HS6ST2: variants seen among roughly 807,000 people sequenced by gnomAD.
HS6ST2 encodes the protein heparan-sulfate 6-O-sulfotransferase 2.
Under a neutral mutation model 33.0 loss-of-function variants are expected in HS6ST2, and 17 were observed. That is an observed-to-expected ratio of 0.52 (90% confidence interval 0.35 to 0.77). The LOEUF (loss-of-function observed/expected upper bound fraction) is 0.77. Ranked by LOEUF, HS6ST2 falls within the 30% of genes least tolerant of loss-of-function variation. The pLI, the probability that HS6ST2 is intolerant of heterozygous loss-of-function variation, is 0.01. For missense variants in HS6ST2, 519 were observed against 551.7 expected (o/e 0.94, Z 0.59); for synonymous variants, 248 against 237.1 (o/e 1.05, Z -0.42).
intron 2 of HS6ST2, among the ~76,000 whole-genome samples, chrX:132,895,274 A>G (rs184327608): frequency 6.0e-4 from 67 of 111,712 alleles, no homozygotes; most frequent in Admixed American, 4.8e-4. Flanking sequence ...TTCTTATTTT[A>G]TTAAATACAA....
chrX:132,669,051 G>C (rs1041061646), intron 4 of HS6ST2, 62 bp downstream of exon 4: 1 of 715,104 alleles, frequency 1.4e-6, no homozygotes, highest in African/African-American at 2.1e-5. Context: ...AATGACAAAA[G>C]GAGGACAGCA....
intron 3 of HS6ST2, among the ~76,000 whole-genome samples, chrX:132,702,412 C>A (rs959347854): frequency 8.9e-6 from 1 of 112,076 alleles, no homozygotes. Context: ...CAGGGAAGAG[C>A]GTGAACATGC....
At chrX:132,675,899 CCT>C (rs1393399968) in intron 3 of HS6ST2, among the ~76,000 whole-genome samples, 1 of 110,764 alleles carries the variant, frequency 9.0e-6, no homozygotes, top group Non-Finnish European at 1.9e-5. Flanking sequence ...CCTCAGCTAC[CCT>C]CTCTTAGCAT....
intron 2 of HS6ST2, among the ~76,000 whole-genome samples, chrX:132,921,015 T>C (rs771759048): frequency 2.7e-5 from 3 of 112,656 alleles, no homozygotes; most frequent in South Asian, 3.7e-4. Flanking sequence ...GGCTGCAGTA[T>C]AGACAGTGGA....
At chrX:132,835,963 G>A (rs1255120097) in intron 2 of HS6ST2, among the ~76,000 whole-genome samples, 1 of 111,599 alleles carries the variant, frequency 9.0e-6, no homozygotes, top group Non-Finnish European at 1.9e-5. Flanking sequence ...TTCCTGTTTC[G>A]ATGCCTCACA....
intron 2 of HS6ST2, among the ~76,000 whole-genome samples, chrX:132,717,829 G>A (rs975805720): frequency 2.7e-5 from 3 of 111,907 alleles, no homozygotes; most frequent in Admixed American, 9.5e-5. Flanking sequence ...GCAGACAACT[G>A]TCTACATGAA....
intron 2 of HS6ST2, among the ~76,000 whole-genome samples, chrX:132,881,371 TGGCCAG>T (rs1399353892): frequency 8.9e-6 from 1 of 112,031 alleles, no homozygotes; most frequent in Non-Finnish European, 1.9e-5. Context: ...ATTTCTCTGA[TGGCCAG>T]TGATGATGAG....
chrX:132,938,945 C>T (rs969516139), intron 2 of HS6ST2, among the ~76,000 whole-genome samples: 11 of 111,999 alleles, frequency 9.8e-5, no homozygotes, highest in African/African-American at 3.6e-4. Context: ...GTACAGCTAG[C>T]ATAGTGTTGG....
chrX:132,644,929 G>C (rs1034259895), intron 4 of HS6ST2, among the ~76,000 whole-genome samples: 6 of 111,386 alleles, frequency 5.4e-5, no homozygotes, highest in Admixed American at 4.8e-4. Context: ...CAACTTGTAA[G>C]GGTAAAGGAG....
intron 2 of HS6ST2, among the ~76,000 whole-genome samples, chrX:132,766,830 T>C (rs1406969589): frequency 8.9e-6 from 1 of 112,242 alleles, no homozygotes; most frequent in Non-Finnish European, 1.9e-5. Context: ...TTCCAGTGAA[T>C]GGTTGAGGTA....
intron 2 of HS6ST2, among the ~76,000 whole-genome samples, chrX:132,752,992 G>A (rs1453126907): frequency 8.9e-6 from 1 of 112,477 alleles, no homozygotes; most frequent in African/African-American, 3.2e-5. Context: ...AGGGGCCAAT[G>A]CTCTTTGCGA....
chrX:132,892,781 T>C (rs1569501789), intron 2 of HS6ST2, among the ~76,000 whole-genome samples: 1 of 111,729 alleles, frequency 9.0e-6, no homozygotes, highest in African/African-American at 3.3e-5. Context: ...ATTGTGCCAC[T>C]GCACTCCAGC....
intron 4 of HS6ST2, among the ~76,000 whole-genome samples, chrX:132,641,292 C>T (rs1050211802): frequency 1.8e-5 from 2 of 111,836 alleles, no homozygotes; most frequent in Non-Finnish European, 3.8e-5. Context: ...TACAGGCATG[C>T]ACCACAATGC....
intron 2 of HS6ST2, among the ~76,000 whole-genome samples, chrX:132,789,385 T>C (rs772364355): frequency 9.0e-6 from 1 of 110,722 alleles, no homozygotes; most frequent in Non-Finnish European, 1.9e-5. Flanking sequence ...AACCCACCAT[T>C]GAGACCTACT....
At chrX:132,802,679 G>T (rs1446893573) in intron 2 of HS6ST2, among the ~76,000 whole-genome samples, 1 of 110,325 alleles carries the variant, frequency 9.1e-6, no homozygotes, top group African/African-American at 3.3e-5. Context: ...CAGGGCACCA[G>T]GAATGCACCT....
chrX:132,801,863 C>T (rs747222547), intron 2 of HS6ST2, among the ~76,000 whole-genome samples: 23 of 111,739 alleles, frequency 2.1e-4, no homozygotes, highest in Admixed American at 3.8e-4. Flanking sequence ...AAATTCATAC[C>T]GAAGGGATCC....
At chrX:132,867,963 T>C (rs781361669) in intron 2 of HS6ST2, among the ~76,000 whole-genome samples, 22 of 112,042 alleles carry the variant, frequency 2.0e-4, no homozygotes, top group Admixed American at 8.5e-4. Flanking sequence ...ATGGGCTAAA[T>C]GCCCTAATTA....
chrX:132,904,778 T>C (rs921581878), intron 2 of HS6ST2, among the ~76,000 whole-genome samples: 5 of 108,022 alleles, frequency 4.6e-5, no homozygotes, highest in African/African-American at 1.4e-4. Flanking sequence ...TCCTCCCACA[T>C]TGGCCTCCCA....
chrX:132,714,238 C>G lies in HS6ST2; in HGVS notation c.948-5744G>C, dbSNP rs1275599847. Reference sequence around the variant, plus strand: ...GTGAAACCCTAGGCAACCCCATTCCCAAATGAAGATGGCTCCCCGTTTCCC... The same window carrying G: ...GTGAAACCCTAGGCAACCCCATTCCGAAATGAAGATGGCTCCCCGTTTCCC... On this transcript the variant is annotated intron_variant, in intron 2 of 4. Coordinates refer to ENST00000370833, the MANE Select transcript of HS6ST2 (RefSeq NM_001394073.1). Among the ~76,000 whole-genome samples, 5 of 111,603 alleles carry G rather than the reference C, an allele frequency of 4.5e-5. No individual in the cohort carries two copies. The Admixed American group carries it at 4.7e-4, about 11-fold the overall frequency.
Sources: allele counts gnomAD v4.1 joint callset (sites outside exome capture counted in the v4.1 genomes callset), GRCh38; gene constraint gnomAD v4.1.1; transcripts MANE v1.5; gene names NCBI Gene and HGNC (gene_info 2026-07-23, HGNC 2026-07-21).